AKR1C1: variants seen among roughly 807,000 people sequenced by gnomAD.
AKR1C1 encodes the protein 20 alpha-hydroxysteroid dehydrogenase.
AKR1C1 carries 32 observed loss-of-function variants against 40.6 expected under a neutral mutation model. The ratio of observed to expected loss-of-function variants is 0.79; its 90% CI spans 0.60 to 1.06. The LOEUF (loss-of-function observed/expected upper bound fraction) is 1.06. Ranked by LOEUF, AKR1C1 falls within the 50% of genes least tolerant of loss-of-function variation. The pLI is 0.00. For synonymous variants in AKR1C1, 105 were observed against 134.2 expected (o/e 0.78, Z 1.50); for missense variants, 320 against 363.5 (o/e 0.88, Z 0.97).
intron 3 of AKR1C1, chr10:4,967,455 G>A (rs1836350600): frequency 1.0e-6 from 1 of 1,000,770 alleles, no homozygotes; most frequent in Non-Finnish European, 1.2e-6. Context: ...TAAGGGGCGA[G>A]AACTCAGTCC....
At chr10:4,972,555 G>A (rs571710693) in intron 6 of AKR1C1, 29 bp from the exon 7 acceptor site, 6 of 1,611,384 alleles carry the variant, frequency 3.7e-6, no homozygotes, top group Non-Finnish European at 4.2e-6. Context: ...CCAGCCTCAG[G>A]GCCTCAGCCT....
At position 4,967,517 on chromosome 10, in the gene AKR1C1, C is replaced by T. The variant is rs570672176; in HGVS notation, c.369+474C>T. On this transcript the variant is annotated intron_variant, in intron 3 of 8. Coordinates refer to ENST00000380872, the MANE Select transcript of AKR1C1 (RefSeq NM_001353.6). Reference sequence around the variant, plus strand: ...ATGGGAAACCTTGTTGCTTCTGCTTCCTCTCTTTTCACACTGGAGGTTTTA... The same window carrying T: ...ATGGGAAACCTTGTTGCTTCTGCTTTCTCTCTTTTCACACTGGAGGTTTTA... 39 of 984,270 alleles carry T rather than the reference C, an allele frequency of 4.0e-5. No individual in the cohort carries two copies. The South Asian group carries it at 1.5e-3, about 37-fold the overall frequency. 61.0% of individuals were successfully genotyped at this position (984,270 alleles called of 1,614,324 possible).
Position 4,978,527 on chromosome 10 carries a change from C to T in AKR1C1, c.*785C>T, listed in dbSNP as rs1188799440. ...TGTGTGCCCATTCACAACGTTGACC[C>T]TATTGGTTTGTGGTGGGGCAGGGCA... On this transcript the variant is annotated 3_prime_UTR_variant, in exon 9 of 9. Coordinates refer to ENST00000380872, the MANE Select transcript of AKR1C1 (RefSeq NM_001353.6). 6.6e-6 allele frequency: 1 copy of T among 152,058 alleles called. No individual in the cohort carries two copies. Among genetic ancestry groups the T allele is most frequent in the South Asian group, 2.1e-4 (1 of 4,824 alleles). 9.4% of individuals were successfully genotyped at this position (152,058 alleles called of 1,614,324 possible). A position where few individuals can be genotyped will look rare whatever the true frequency, so the allele number is the denominator to read the frequency against.
chr10:4,977,609 C>A lies in AKR1C1; in HGVS notation c.930-91C>A. 3 of 1,510,582 alleles carry A rather than the reference C, an allele frequency of 2.0e-6. 1 individual carries two copies. The highest frequency in any genetic ancestry group is 9.1e-7 in the Non-Finnish European group (1 of 1,100,872). The allele number at this position is 1,510,582 out of a possible 1,614,324, so 93.6% of individuals were successfully genotyped here. On this transcript the variant is annotated intron_variant, in intron 8 of 8. Transcript: ENST00000380872. The stretch of plus-strand genomic sequence containing the variant: ...CAGAAAATGAACTTCTTAACATCTA[C>A]ACTAGCGGCAGCTTCCTAGAAATCA...
intron 1 of AKR1C1, among the ~76,000 whole-genome samples, chr10:4,964,210 G>A (rs963856005): frequency 6.6e-5 from 10 of 152,260 alleles, no homozygotes; most frequent in South Asian, 4.1e-4. Flanking sequence ...TCTAGACTTA[G>A]CTATTTCTAC....
In AKR1C1 at chr10:4,975,906, G is replaced by C; in HGVS notation, c.902G>C (p.Arg301Thr). 3.8e-6 allele frequency: 2 copies of C among 528,472 alleles called. No homozygotes were observed. Among genetic ancestry groups the C allele is most frequent in the Non-Finnish European group, 6.6e-6 (2 of 304,162 alleles). 32.7% of individuals were successfully genotyped at this position (528,472 alleles called of 1,614,324 possible). A position where few individuals can be genotyped will look rare whatever the true frequency, so the allele number is the denominator to read the frequency against. Residue 301 changes from arginine to threonine, a missense_variant, in exon 8 of 9, where the codon AGA becomes ACA. Arg to Thr is a moderately conservative substitution (Grantham distance 71, BLOSUM62 -1). Transcript: ENST00000380872. ...EEMKAIDGLN[R>T]NVRYLTLDIF... is the part of the protein sequence containing the mutation. ...ATGAAAGCCATAGATGGCCTAAACA[G>C]AAATGTGCGATATTTGACCCTTGAT...
intron 5 of AKR1C1, among the ~76,000 whole-genome samples, chr10:4,970,411 A>C (rs1160455342): frequency 7.9e-5 from 12 of 152,156 alleles, no homozygotes; most frequent in Non-Finnish European, 1.6e-4. Context: ...GTAAATTAGA[A>C]GTTAGATGAG....
At chr10:4,966,610 T>C (rs1370017094) in intron 2 of AKR1C1, among the ~76,000 whole-genome samples, 2 of 152,236 alleles carry the variant, frequency 1.3e-5, no homozygotes, top group Non-Finnish European at 2.9e-5. Flanking sequence ...ATAGATGAAA[T>C]AATTACACTA....
At position 4,966,929 on chromosome 10, in the gene AKR1C1, T is replaced by G. The variant is rs773927521; in HGVS notation, c.255T>G (p.Leu85=). 6 of 1,611,220 alleles carry G rather than the reference T, an allele frequency of 3.7e-6. No homozygotes were observed. The highest frequency in any genetic ancestry group is 1.7e-6 in the Non-Finnish European group (2 of 1,178,974). The change falls in exon 3 of 9, where the codon CTT becomes CTG. Residue 85 remains leucine, a splice_region_variant and synonymous_variant. Transcript: ENST00000380872. Reference sequence around the variant, plus strand: ...CTTCCTTTCTCTAACCTCTGCAGCTTTGGTGCAATTCCCATCGACCAGAGT... The same window carrying G: ...CTTCCTTTCTCTAACCTCTGCAGCTGTGGTGCAATTCCCATCGACCAGAGT... ...KREDIFYTSK[L]WCNSHRPELV...
rs557198209 is a variant in AKR1C1, at chr10:4,963,909, G to A, written c.84+381G>A. On this transcript the variant is annotated intron_variant, in intron 1 of 8. Coordinates refer to ENST00000380872, the MANE Select transcript of AKR1C1 (RefSeq NM_001353.6). ...TATGGCAAAAGTTAGTGGAGACGGG[G>A]TGGATGAAATCTGTTGGGAGAGTAT... 84 of 753,390 alleles carry A rather than the reference G, an allele frequency of 1.1e-4. No individual in the cohort carries two copies. In the East Asian group the frequency reaches 1.9e-3, roughly 17 times the overall value. The allele number at this position is 753,390 out of a possible 1,614,324, so 46.7% of individuals were successfully genotyped here.
rs35763015 is a variant in AKR1C1 at position 4,977,796 on chromosome 10, A to C, written c.*54A>C. 3.2e-3 allele frequency: 4,673 copies of C among 1,474,746 alleles called. 29 individuals carry two copies. Among genetic ancestry groups the C allele is most frequent in the East Asian group, 0.025 (1,110 of 44,020 alleles). 91.4% of individuals were successfully genotyped at this position (1,474,746 alleles called of 1,614,324 possible). A position where few individuals can be genotyped will look rare whatever the true frequency, so the allele number is the denominator to read the frequency against. On this transcript the variant is annotated 3_prime_UTR_variant, in exon 9 of 9. Coordinates refer to ENST00000380872, the MANE Select transcript of AKR1C1 (RefSeq NM_001353.6). ...GAAGGCCCTGCGTGTGGATGGTGAC[A>C]CAGAGGATGGCTCTATGCTGGTGAC...
Position 4,983,156 on chromosome 10 carries a change from G to A in AKR1C1, c.*5414G>A. On this transcript the variant is annotated 3_prime_UTR_variant, in exon 9 of 9. Coordinates refer to ENST00000380872, the MANE Select transcript of AKR1C1 (RefSeq NM_001353.6). ...TGCCCCATGGACATCCTGAAGCAGAGCTGCCTCACTGCCCTGCACACACAT... is the reference window on the plus strand; with the variant it reads ...TGCCCCATGGACATCCTGAAGCAGAACTGCCTCACTGCCCTGCACACACAT... 3 of 254,506 alleles carry A rather than the reference G, an allele frequency of 1.2e-5. No individual in the cohort carries two copies. The South Asian group carries it at 1.2e-4, about 10-fold the overall frequency. 15.8% of individuals were successfully genotyped at this position (254,506 alleles called of 1,614,324 possible). A position where few individuals can be genotyped will look rare whatever the true frequency, so the allele number is the denominator to read the frequency against.
At chr10:4,969,563 A>T in intron 5 of AKR1C1, 1 of 1,167,566 alleles carries the variant, frequency 8.6e-7, no homozygotes, top group Admixed American at 2.0e-5. Context: ...GGTTCAGCAG[A>T]ACATGGAGCT....
At chr10:4,971,045 C>T (rs1836418553) in intron 5 of AKR1C1, among the ~76,000 whole-genome samples, 1 of 151,650 alleles carries the variant, frequency 6.6e-6, no homozygotes, top group South Asian at 2.1e-4. Context: ...TACTAGTAAT[C>T]TGCTGGGGGA....
At chr10:4,974,913 T>A (rs1836502325) in intron 7 of AKR1C1, among the ~76,000 whole-genome samples, 1 of 152,124 alleles carries the variant, frequency 6.6e-6, no homozygotes, top group African/African-American at 2.4e-5. Context: ...AATCATCTTA[T>A]TAACTTCCAC....
intron 6 of AKR1C1, 101 bp from the exon 7 acceptor site, chr10:4,972,483 G>C (rs1836446364): frequency 1.1e-5 from 18 of 1,584,986 alleles, no homozygotes. Context: ...CCTCGCTTGA[G>C]AAGCTCCGGT....
chr10:4,969,671 G>T (rs774111190), intron 5 of AKR1C1: 3 of 1,610,216 alleles, frequency 1.9e-6, no homozygotes, highest in Admixed American at 3.3e-5. Context: ...TGTTCCTTTT[G>T]TAGCCTAGAG....
chr10:4,982,620 T>G lies in AKR1C1; in HGVS notation c.*4878T>G, dbSNP rs1304637970. ...GGTGGTACCCATCCACCCATCCTGG[T>G]AGCTTAACACAAAGATACACTTTTA... On this transcript the variant is annotated 3_prime_UTR_variant, in exon 9 of 9. Coordinates refer to ENST00000380872, the MANE Select transcript of AKR1C1 (RefSeq NM_001353.6). The G allele has an allele frequency of 4.5e-6, 1 of 222,870 alleles. No individual in the cohort carries two copies. The highest frequency in any genetic ancestry group is 8.9e-6 in the Non-Finnish European group (1 of 111,828). The allele number at this position is 222,870 out of a possible 1,614,324, so 13.8% of individuals were successfully genotyped here. A position where few individuals can be genotyped will look rare whatever the true frequency, so the allele number is the denominator to read the frequency against.
chr10:4,966,206 T>G, intron 2 of AKR1C1, 125 bp downstream of exon 2: 1 of 1,471,100 alleles, frequency 6.8e-7, no homozygotes, highest in South Asian at 1.5e-5. Flanking sequence ...TATTCACACT[T>G]ACTCATGTAT....
Sources: gnomAD v4.1 joint callset for allele counts (sites outside exome capture counted in the v4.1 genomes callset) on GRCh38, gnomAD v4.1.1 for gene constraint, MANE v1.5 for transcripts, NCBI Gene and HGNC (gene_info 2026-07-23, HGNC 2026-07-21) for gene names.